Variants in MINDY3 observed in about 807,000 individuals in gnomAD.
MINDY3 encodes MINDY lysine 48 deubiquitinase 3, also known as ubiquitin carboxyl-terminal hydrolase MINDY-3.
A neutral mutation model predicts 69.2 loss-of-function variants in MINDY3; 38 were observed. The observed-to-expected ratio is 0.55, with a 90% CI of 0.42 to 0.72. The LOEUF is 0.72. Among genes scored for constraint, MINDY3 ranks in the 30% least tolerant of loss-of-function variants. The pLI, the probability that MINDY3 is intolerant of heterozygous loss-of-function variation, is 0.00. For synonymous variants in MINDY3, 192 were observed against 180.1 expected, an observed-to-expected ratio of 1.07 and a Z score of -0.53; for missense variants, 522 against 519.0, an observed-to-expected ratio of 1.01 and a Z score of -0.06.
In MINDY3 at chr10:15,816,898, T is replaced by C. The variant is rs950313658; in HGVS notation, c.819A>G (p.Lys273=). ...CAATCCAAATAGGGAATTTTGGAGA[T>C]TTCAAGTAAGAACCAACCTAGAACA... ...LRYCKVGSYL[K]SPKFPIWIVG... The change falls in exon 10 of 15, where the codon AAA becomes AAG. Residue 273 remains lysine, a synonymous_variant. Transcript: ENST00000277632. 6.2e-7 allele frequency: 1 copy of C among 1,612,998 alleles called. No homozygotes were observed. Among genetic ancestry groups the C allele is most frequent in the South Asian group, 1.1e-5 (1 of 90,956 alleles).
chr10:15,851,907 A>C (rs7086658), intron 1 of MINDY3, among the ~76,000 whole-genome samples: 17,443 of 152,118 alleles, frequency 0.11, 2,233 homozygotes, highest in African/African-American at 0.32. Context: ...TTACACTTAC[A>C]ATCATTATCT....
chr10:15,821,712 G>A lies in MINDY3; in HGVS notation c.745C>T (p.His249Tyr). The part of the protein sequence containing the change: ...ECSGMKLLGI[H>Y]EQAAVGFLTL... Reference sequence around the variant, plus strand: ...AAAAATCCTACTGCTGCTTGTTCATGTATACCAAGAAGTTCTGCAAAAAAC... The same window carrying A: ...AAAAATCCTACTGCTGCTTGTTCATATATACCAAGAAGTTCTGCAAAAAAC... The change falls in exon 9 of 15, where the codon CAT (histidine) becomes TAT (tyrosine). Residue 249 changes from histidine (H) to tyrosine (Y), a missense_variant. His to Tyr is a moderately conservative substitution (Grantham distance 83). Coordinates refer to ENST00000277632, the MANE Select transcript of MINDY3 (RefSeq NM_024948.4). The A allele has an allele frequency of 1.2e-6, 2 of 1,612,014 alleles. No homozygotes were observed. The highest frequency in any genetic ancestry group is 2.2e-5 in the South Asian group (2 of 90,692).
In MINDY3 at chr10:15,850,449, C is replaced by T. The variant is rs995263250; in HGVS notation, c.95-2506G>A. ...GAAGAAATATTGCTGAATTCTTTTT[C>T]TCAGCAAGGAACAGCCCTGAGAAAG... On this transcript the variant is annotated intron_variant, in intron 1 of 14. Coordinates refer to ENST00000277632, the MANE Select transcript of MINDY3 (RefSeq NM_024948.4). Among the ~76,000 whole-genome samples, 16 of 152,254 alleles carry T rather than the reference C, an allele frequency of 1.1e-4. 1 individual carries two copies. The highest frequency in any genetic ancestry group is 2.9e-5 in the Non-Finnish European group (2 of 68,020).
intron 10 of MINDY3, among the ~76,000 whole-genome samples, chr10:15,805,632 T>C (rs1247835943): frequency 1.3e-5 from 2 of 152,130 alleles, no homozygotes; most frequent in African/African-American, 4.8e-5. Context: ...TTCTCTGAAA[T>C]GGGCCTACTT....
chr10:15,817,394 C>G (rs978391539), intron 9 of MINDY3: 3 of 153,392 alleles, frequency 2.0e-5, no homozygotes, highest in Non-Finnish European at 2.9e-5. Flanking sequence ...ACAATTTAAA[C>G]CATTTAAGTA....
chr10:15,849,270 G>C (rs1190491723), intron 1 of MINDY3, among the ~76,000 whole-genome samples: 1 of 152,146 alleles, frequency 6.6e-6, no homozygotes, highest in African/African-American at 2.4e-5. Flanking sequence ...CAAGAGGACA[G>C]AATGTTTATA....
chr10:15,821,899 A>T (rs1839793477), intron 8 of MINDY3, among the ~76,000 whole-genome samples, 173 bp from the exon 9 acceptor site: 1 of 152,190 alleles, frequency 6.6e-6, no homozygotes, highest in South Asian at 2.1e-4. Flanking sequence ...TGCTCATTAT[A>T]AAATACCATT....
At chr10:15,827,266 G>A (rs1454201273) in intron 8 of MINDY3, among the ~76,000 whole-genome samples, 1 of 151,246 alleles carries the variant, frequency 6.6e-6, no homozygotes, top group East Asian at 1.9e-4. Flanking sequence ...AGCCAGCCAG[G>A]CGCGGTAGCT....
rs150779808 is a variant in MINDY3, at chr10:15,792,681, A to G, written c.956-3362T>C. ...AATCAGACAAAATATGGCTGTCAAC[A>G]TATTTTAGCAACTTAACAAAACAAA... On this transcript the variant is annotated intron_variant, in intron 11 of 14. Coordinates refer to ENST00000277632, the MANE Select transcript of MINDY3 (RefSeq NM_024948.4). Among the ~76,000 whole-genome samples, 26 of 151,984 alleles carry G rather than the reference A, an allele frequency of 1.7e-4. 2 individuals are homozygous for G. The highest frequency in any genetic ancestry group is 5.3e-4 in the African/African-American group (22 of 41,280).
intron 1 of MINDY3, chr10:15,858,006 G>T (rs563723935): frequency 1.9e-4 from 167 of 869,504 alleles, no homozygotes; most frequent in Non-Finnish European, 2.3e-4. Context: ...CATTAGTAAT[G>T]CAGCAAAGCA....
At position 15,807,203 on chromosome 10, in the gene MINDY3, T is replaced by C. The variant is rs73589630; in HGVS notation, c.882+9632A>G. 7.0e-3 allele frequency among the ~76,000 whole-genome samples: 1,069 copies of C among 152,260 alleles called. 13 individuals carry two copies. Among genetic ancestry groups the C allele is most frequent in the African/African-American group, 0.024 (1,002 of 41,554 alleles). Reference sequence around the variant, plus strand: ...TTCAGTAAACACTCACAGTAAACTATTACCATGTATTATTAATCCTTACGT... The same window carrying C: ...TTCAGTAAACACTCACAGTAAACTACTACCATGTATTATTAATCCTTACGT... On this transcript the variant is annotated intron_variant, in intron 10 of 14. Transcript: ENST00000277632.
chr10:15,836,081 T>A (rs901683682), intron 6 of MINDY3, among the ~76,000 whole-genome samples: 3 of 152,114 alleles, frequency 2.0e-5, no homozygotes, highest in African/African-American at 4.8e-5. Flanking sequence ...AAGGTCTTCA[T>A]ATTCTAAGTC....
intron 11 of MINDY3, among the ~76,000 whole-genome samples, chr10:15,791,742 C>A (rs1025508565): frequency 6.6e-6 from 1 of 151,956 alleles, no homozygotes; most frequent in African/African-American, 2.4e-5. Context: ...TGCAAAGGAG[C>A]GCTGATGAAG....
intron 1 of MINDY3, 137 bp downstream of exon 1, chr10:15,860,069 G>C: frequency 1.5e-6 from 1 of 674,226 alleles, no homozygotes; most frequent in South Asian, 1.7e-5. Context: ...TGTCTAGAAA[G>C]TCCAGCTTCA....
chr10:15,816,699 GT>G (rs1166454011), intron 10 of MINDY3, 135 bp downstream of exon 10: 7 of 658,244 alleles, frequency 1.1e-5, no homozygotes, highest in Non-Finnish European at 1.9e-5. Context: ...TTCAGTATTA[GT>G]TTTTGAGATT....
chr10:15,790,050 T>C (rs768804318), intron 11 of MINDY3, among the ~76,000 whole-genome samples: 7 of 152,108 alleles, frequency 4.6e-5, no homozygotes, highest in Non-Finnish European at 7.4e-5. Context: ...TACTCATTCC[T>C]GAAGATTGTC....
At chr10:15,854,905 C>G (rs550042104) in intron 1 of MINDY3, among the ~76,000 whole-genome samples, 1 of 152,162 alleles carries the variant, frequency 6.6e-6, no homozygotes, top group Non-Finnish European at 1.5e-5. Context: ...AACCTAGGAA[C>G]AAGAGATGAA....
Position 15,841,502 on chromosome 10 carries a change from T to C in MINDY3, c.333A>G (p.Leu111=), listed in dbSNP as rs1347597869. 1.2e-6 allele frequency: 2 copies of C among 1,611,958 alleles called. No homozygotes were observed. Among genetic ancestry groups the C allele is most frequent in the African/African-American group, 2.7e-5 (2 of 74,832 alleles). ...CAGTTTCCTCAGTTGTCTTTCCTCT[T>C]AACCATGAAACCAAGCAGTATGATC... The part of the protein sequence containing the change: ...HSGSYCLVSW[L]RGKTTEETAS... Residue 111 remains leucine, a synonymous_variant, in exon 4 of 15, where the codon TTA becomes TTG. Coordinates refer to ENST00000277632, the MANE Select transcript of MINDY3 (RefSeq NM_024948.4).
intron 3 of MINDY3, among the ~76,000 whole-genome samples, chr10:15,842,829 G>A (rs1349217180): frequency 3.4e-5 from 5 of 148,302 alleles, no homozygotes; most frequent in Non-Finnish European, 5.9e-5. Context: ...TATTTGCATT[G>A]TGTAAGGCAT....
Sources: allele counts gnomAD v4.1 joint callset (sites outside exome capture counted in the v4.1 genomes callset), GRCh38; gene constraint gnomAD v4.1.1; transcripts MANE v1.5; gene names NCBI Gene and HGNC (gene_info 2026-07-23, HGNC 2026-07-21).